Variants in TMTC2 observed in about 807,000 individuals in gnomAD.
TMTC2 encodes protein O-mannosyl-transferase TMTC2.
TMTC2 carries 43 observed loss-of-function variants against 82.4 expected under a neutral mutation model. That is an observed-to-expected ratio of 0.52 (90% CI 0.41 to 0.67). The LOEUF (loss-of-function observed/expected upper bound fraction) is 0.67, where lower values mean the gene tolerates loss of function less well. Ranked by LOEUF, TMTC2 falls within the 30% of genes least tolerant of loss-of-function variation. The probability of loss-of-function intolerance (pLI) is 0.00; values close to 1 mark genes in which losing one functional copy is unlikely to be tolerated. For missense variants in TMTC2, 919 were observed against 1,012.4 expected (o/e 0.91, Z 1.25); for synonymous variants, 408 against 381.9 (o/e 1.07, Z -0.80).
At chr12:82,769,057 G>A (rs990547776) in intron 1 of TMTC2, among the ~76,000 whole-genome samples, 1 of 150,920 alleles carries the variant, frequency 6.6e-6, no homozygotes, top group Non-Finnish European at 1.5e-5. Flanking sequence ...AGCTTCAGGG[G>A]CTAAGCCATA....
intron 1 of TMTC2, among the ~76,000 whole-genome samples, chr12:82,787,738 G>A (rs6539690): frequency 0.024 from 3,667 of 152,036 alleles, 142 homozygotes; most frequent in African/African-American, 0.078. Context: ...GCAAAACCCC[G>A]TCTTTACTAA....
intron 1 of TMTC2, among the ~76,000 whole-genome samples, chr12:82,844,960 G>A (rs1870557662): frequency 6.6e-6 from 1 of 151,700 alleles, no homozygotes; most frequent in Admixed American, 6.6e-5. Flanking sequence ...GGGTGCGGTG[G>A]CTCACACCTG....
chr12:83,113,814 G>T (rs1884670374), intron 11 of TMTC2, among the ~76,000 whole-genome samples: 1 of 152,220 alleles, frequency 6.6e-6, no homozygotes, highest in South Asian at 2.1e-4. Context: ...TCCCTGGAAA[G>T]ATTATAGTTT....
At chr12:83,087,197 TC>T (rs1410720543) in intron 11 of TMTC2, among the ~76,000 whole-genome samples, 5 of 152,212 alleles carry the variant, frequency 3.3e-5, no homozygotes, top group African/African-American at 1.2e-4. Context: ...TGCTCATCCA[TC>T]AGAAGCAACT....
chr12:82,844,801 CA>C (rs550857198), intron 1 of TMTC2, among the ~76,000 whole-genome samples: 105 of 120,970 alleles, frequency 8.7e-4, no homozygotes, highest in Non-Finnish European at 8.3e-4. Flanking sequence ...GACTCCGTCT[CA>C]AAAAAAAAAA....
intron 1 of TMTC2, among the ~76,000 whole-genome samples, chr12:82,733,874 G>A (rs1874956966): frequency 6.6e-6 from 1 of 152,170 alleles, no homozygotes; most frequent in African/African-American, 2.4e-5. Context: ...CTTAGAAAAT[G>A]TGTGTTCTTT....
At chr12:82,779,768 C>A (rs1423393215) in intron 1 of TMTC2, among the ~76,000 whole-genome samples, 1 of 152,066 alleles carries the variant, frequency 6.6e-6, no homozygotes, top group African/African-American at 2.4e-5. Flanking sequence ...GGTGTGGTGG[C>A]ATGCTCCTGT....
At chr12:82,956,802 C>T (rs558275148) in intron 4 of TMTC2, among the ~76,000 whole-genome samples, 2 of 152,136 alleles carry the variant, frequency 1.3e-5, no homozygotes, top group South Asian at 4.2e-4. Context: ...TACAAAGAAG[C>T]GCATTCCATA....
chr12:83,041,981 C>T (rs948959592), intron 9 of TMTC2, among the ~76,000 whole-genome samples: 4 of 152,178 alleles, frequency 2.6e-5, no homozygotes, highest in African/African-American at 4.8e-5. Context: ...TCCAGTCTTA[C>T]CTATTTTGAC....
intron 1 of TMTC2, among the ~76,000 whole-genome samples, chr12:82,817,753 G>A (rs1565763473): frequency 6.6e-6 from 1 of 152,144 alleles, no homozygotes; most frequent in African/African-American, 2.4e-5. Context: ...CTTCCAAAAT[G>A]AAACCAAGTT....
intron 1 of TMTC2, among the ~76,000 whole-genome samples, chr12:82,698,841 A>G (rs1872940208): frequency 6.6e-6 from 1 of 152,184 alleles, no homozygotes; most frequent in Non-Finnish European, 1.5e-5. Context: ...TGATTAACCG[A>G]GAGCTATTAA....
chr12:83,016,749 G>A (rs886628069), intron 8 of TMTC2, among the ~76,000 whole-genome samples: 3 of 152,206 alleles, frequency 2.0e-5, no homozygotes, highest in South Asian at 2.1e-4. Flanking sequence ...AGCATGAACT[G>A]TGAAGCCAGA....
rs752661006 is a variant in TMTC2 at position 82,930,488 on chromosome 12, G to T, written c.1541G>T (p.Ser514Ile). The change falls in exon 4 of 12, where the codon AGC (serine) becomes ATC (isoleucine). Residue 514 changes from serine to isoleucine, a missense_variant. By Grantham distance (142) the Ser-to-Ile change is moderately radical (BLOSUM62 -2). Coordinates refer to ENST00000321196, the MANE Select transcript of TMTC2 (RefSeq NM_152588.3). ...KSQSKISEAE[S>I]AYRNALYYRS... ...CAGAGCAAAATTTCTGAAGCTGAAAGCGCCTATAGAAATGCTTTGTACTAC... is the reference window on the plus strand; with the variant it reads ...CAGAGCAAAATTTCTGAAGCTGAAATCGCCTATAGAAATGCTTTGTACTAC... 1 of 1,604,886 alleles carries T rather than the reference G, an allele frequency of 6.2e-7. No individual in the cohort carries two copies. Among genetic ancestry groups the T allele is most frequent in the Admixed American group, 1.7e-5 (1 of 59,860 alleles).
intron 11 of TMTC2, among the ~76,000 whole-genome samples, chr12:83,076,740 A>G (rs1458056742): frequency 6.6e-6 from 1 of 152,260 alleles, no homozygotes; most frequent in Non-Finnish European, 1.5e-5. Flanking sequence ...ACATTAAACT[A>G]AAGTTGCTTA....
intron 1 of TMTC2, among the ~76,000 whole-genome samples, chr12:82,787,957 G>C (rs923097341): frequency 6.6e-6 from 1 of 151,884 alleles, no homozygotes; most frequent in South Asian, 2.1e-4. Context: ...AATGTCCTTA[G>C]ACCACCAGTA....
Position 82,696,964 on chromosome 12 carries a change from G to GTATATATATATATATATATATA in TMTC2, c.83+9314_83+9315insATATATATATATATATATATAT, listed in dbSNP as rs3993380. 2.1e-3 allele frequency among the ~76,000 whole-genome samples: 292 copies of GTATATATATATATATATATATA among 141,460 alleles called. 5 individuals carry two copies. The highest frequency in any genetic ancestry group is 7.4e-3 in the African/African-American group (280 of 38,070). 92.8% of individuals were successfully genotyped at this position (141,460 alleles called of 152,430 possible). A position where few individuals can be genotyped will look rare whatever the true frequency, so the allele number is the denominator to read the frequency against. ...GCTCTCTTTCTACATACATACATAC[G>GTATATATATATATATATATATA]TATATATATATATATATATGTTTCT... On this transcript the variant is annotated intron_variant, in intron 1 of 11. Transcript: ENST00000321196.
intron 10 of TMTC2, 141 bp downstream of exon 10, chr12:83,051,159 T>C (rs1432939406): frequency 3.4e-6 from 2 of 596,042 alleles, no homozygotes; most frequent in East Asian, 3.0e-5. Flanking sequence ...ATTAGAAATA[T>C]TGTATTCATT....
intron 1 of TMTC2, among the ~76,000 whole-genome samples, chr12:82,793,884 T>G (rs1878580963): frequency 6.6e-6 from 1 of 152,180 alleles, no homozygotes; most frequent in Non-Finnish European, 1.5e-5. Context: ...TTAGCATAGC[T>G]TACAATGTTC....
At chr12:82,961,637 G>A (rs1240281890) in intron 4 of TMTC2, among the ~76,000 whole-genome samples, 1 of 151,932 alleles carries the variant, frequency 6.6e-6, no homozygotes, top group Non-Finnish European at 1.5e-5. Flanking sequence ...TTGTAATGTG[G>A]AGCTGATAAC....
Sources: allele counts gnomAD v4.1 joint callset (sites outside exome capture counted in the v4.1 genomes callset), GRCh38; gene constraint gnomAD v4.1.1; transcripts MANE v1.5; gene names NCBI Gene and HGNC (gene_info 2026-07-23, HGNC 2026-07-21).